GRSF1: variants seen among roughly 807,000 people sequenced by gnomAD.
GRSF1 encodes the protein G-rich RNA sequence binding factor 1.
Under a neutral mutation model 51.1 loss-of-function variants are expected in GRSF1, and 50 were observed. The observed-to-expected ratio is 0.98, with a 90% CI of 0.78 to 1.24. GRSF1 has a LOEUF of 1.24. GRSF1 is among the 50% of genes most tolerant of loss of function. GRSF1 has a pLI of 0.00. For missense variants in GRSF1, 700 were observed against 639.7 expected (o/e 1.09, Z -1.02); for synonymous variants, 293 against 253.3 (o/e 1.16, Z -1.49).
intron 5 of GRSF1, among the ~76,000 whole-genome samples, chr4:70,830,622 C>T (rs1733924521): frequency 6.6e-6 from 1 of 151,834 alleles, no homozygotes. Flanking sequence ...AGTTCTAGAC[C>T]AGCCTGGCCA....
chr4:70,828,663 G>C (rs1250195197), intron 5 of GRSF1, among the ~76,000 whole-genome samples: 3 of 152,008 alleles, frequency 2.0e-5, no homozygotes, highest in Admixed American at 1.3e-4. Flanking sequence ...CAACCTCCTA[G>C]GCTCAAGTGA....
chr4:70,831,001 A>G (rs1578302473), intron 5 of GRSF1, among the ~76,000 whole-genome samples: 1 of 152,174 alleles, frequency 6.6e-6, no homozygotes, highest in African/African-American at 2.4e-5. Context: ...GTTACATTTT[A>G]TATATAAATG....
At chr4:70,839,901 G>A, upstream of GRSF1, 3 of 1,369,336 alleles carry the variant, frequency 2.2e-6, no homozygotes, top group Non-Finnish European at 2.8e-6. Flanking sequence ...GGAATCCAGG[G>A]CCGGTTGGGG....
chr4:70,836,111 C>T (rs1208892686), intron 2 of GRSF1, 47 bp downstream of exon 2: 2 of 1,139,382 alleles, frequency 1.8e-6, no homozygotes, highest in Non-Finnish European at 2.4e-6. Flanking sequence ...TTGTGAGAAA[C>T]AATATAAGGA....
chr4:70,836,163 A>G lies in GRSF1; in HGVS notation c.509T>C (p.Phe170Ser). ...AAAACATACATAAAATATACCTGAA[A>G]AAAAGTTAAGCACATCTTCCATAGT... ...SCTMEDVLNF[F>S]SDCRIRNGEN... Residue 170 changes from phenylalanine (F) to serine (S), a missense_variant, in exon 2 of 10, where the codon TTT (phenylalanine) becomes TCT (serine). Physicochemically the swap from Phe to Ser is radical, Grantham distance 155 (BLOSUM62 -2). Coordinates refer to ENST00000254799, the MANE Select transcript of GRSF1 (RefSeq NM_002092.4). 2 of 1,525,112 alleles carry G rather than the reference A, an allele frequency of 1.3e-6. No homozygotes were observed. Among genetic ancestry groups the G allele is most frequent in the Admixed American group, 2.4e-5 (1 of 42,066 alleles). The allele number at this position is 1,525,112 out of a possible 1,614,324, so 94.5% of individuals were successfully genotyped here. A position where few individuals can be genotyped will look rare whatever the true frequency, so the allele number is the denominator to read the frequency against.
chr4:70,825,443 A>G lies in GRSF1; in HGVS notation c.1258-12T>C. 6.3e-7 allele frequency: 1 copy of G among 1,599,480 alleles called. No homozygotes were observed. The highest frequency in any genetic ancestry group is 8.5e-7 in the Non-Finnish European group (1 of 1,172,662). On this transcript the variant is annotated splice_polypyrimidine_tract_variant and intron_variant, in intron 7 of 9. Transcript: ENST00000254799. ...AGTGGAGCAAAAAACTAAACGACAAACAAAGGCAGTCAAGAGGAACATGAT... is the reference window on the plus strand; with the variant it reads ...AGTGGAGCAAAAAACTAAACGACAAGCAAAGGCAGTCAAGAGGAACATGAT...
At chr4:70,829,721 C>A (rs1733881959) in intron 5 of GRSF1, among the ~76,000 whole-genome samples, 1 of 152,134 alleles carries the variant, frequency 6.6e-6, no homozygotes, top group African/African-American at 2.4e-5. Flanking sequence ...GGCAGGACTG[C>A]TTGAGCCCAG....
intron 5 of GRSF1, among the ~76,000 whole-genome samples, chr4:70,830,577 T>G (rs1436785001): frequency 6.6e-5 from 10 of 151,996 alleles, no homozygotes; most frequent in African/African-American, 2.2e-4. Flanking sequence ...CCAGCACTTT[T>G]GGAGGCCGAG....
chr4:70,818,742 C>A lies in GRSF1; in HGVS notation c.*2145G>T, dbSNP rs1351501917. On this transcript the variant is annotated 3_prime_UTR_variant, in exon 10 of 10. Transcript: ENST00000254799. The stretch of plus-strand genomic sequence containing the variant: ...AGGATATGAGCACCCTGACCATATG[C>A]CCCACTCCCACTATTCTTCCTGATG... 1 of 152,136 alleles carries A rather than the reference C, an allele frequency of 6.6e-6. No homozygotes were observed. The highest frequency in any genetic ancestry group is 2.4e-5 in the African/African-American group (1 of 41,432). The allele number at this position is 152,136 out of a possible 1,614,324, so 9.4% of individuals were successfully genotyped here.
intron 5 of GRSF1, among the ~76,000 whole-genome samples, chr4:70,829,496 A>G (rs1733874296): frequency 6.6e-6 from 1 of 152,102 alleles, no homozygotes; most frequent in Non-Finnish European, 1.5e-5. Flanking sequence ...CTCTACAAAA[A>G]TACAAAAATT....
rs538673376 is a variant in GRSF1, at chr4:70,819,773, G to C, written c.*1114C>G. 1 of 152,540 alleles carries C rather than the reference G, an allele frequency of 6.6e-6. No individual in the cohort carries two copies. The highest frequency in any genetic ancestry group is 1.5e-5 in the Non-Finnish European group (1 of 68,022). 9.4% of individuals were successfully genotyped at this position (152,540 alleles called of 1,614,324 possible). Reference sequence around the variant, plus strand: ...ACAGGATTTTGATTCTCCTACACAGGTGCACATAAAGTTAGTTTATTAATG... The same window carrying C: ...ACAGGATTTTGATTCTCCTACACAGCTGCACATAAAGTTAGTTTATTAATG... On this transcript the variant is annotated 3_prime_UTR_variant, in exon 10 of 10. Transcript: ENST00000254799.
At chr4:70,831,859 G>C (rs1207968988) in intron 4 of GRSF1, among the ~76,000 whole-genome samples, 185 bp from the exon 5 acceptor site, 1 of 149,216 alleles carries the variant, frequency 6.7e-6, no homozygotes, top group Non-Finnish European at 1.5e-5. Context: ...TGTATTTCCA[G>C]AATAGGTAAG....
chr4:70,831,065 A>T (rs1454160632), intron 5 of GRSF1, among the ~76,000 whole-genome samples: 1 of 152,106 alleles, frequency 6.6e-6, no homozygotes, highest in Non-Finnish European at 1.5e-5. Flanking sequence ...CTGCCCCACA[A>T]GGAGCAGTCA....
intron 1 of GRSF1, chr4:70,839,041 G>C (rs549883645): frequency 2.1e-6 from 2 of 953,124 alleles, no homozygotes; most frequent in Admixed American, 6.7e-5. Context: ...AGGCGCCGAG[G>C]GCCGCCCAGG....
At chr4:70,837,276 T>C (rs949946285) in intron 1 of GRSF1, among the ~76,000 whole-genome samples, 2 of 152,120 alleles carry the variant, frequency 1.3e-5, no homozygotes, top group Non-Finnish European at 2.9e-5. Flanking sequence ...AGACTTGCAC[T>C]CTACTGGGCC....
At chr4:70,831,779 CAAA>C in intron 4 of GRSF1, 105 bp from the exon 5 acceptor site, 1 of 1,011,066 alleles carries the variant, frequency 9.9e-7, no homozygotes, top group South Asian at 1.7e-5. Flanking sequence ...TTGCCAGTCC[CAAA>C]ACTGAATACA....
intron 1 of GRSF1, chr4:70,839,260 A>G: frequency 6.8e-7 from 1 of 1,477,620 alleles, no homozygotes; most frequent in Non-Finnish European, 9.0e-7. Flanking sequence ...CGAGGCGAGA[A>G]CAAAACAAGC....
intron 4 of GRSF1, 32 bp downstream of exon 4, chr4:70,832,275 G>A (rs767738470): frequency 1.3e-6 from 2 of 1,590,766 alleles, no homozygotes; most frequent in Non-Finnish European, 8.6e-7. Context: ...AAAAAGATAT[G>A]AGCTCCCAAG....
intron 8 of GRSF1, 142 bp from the exon 9 acceptor site, chr4:70,824,510 G>A (rs1733655110): frequency 1.4e-5 from 8 of 555,118 alleles, no homozygotes; most frequent in Non-Finnish European, 2.3e-5. Flanking sequence ...GGCCAGACAC[G>A]GTGGCTCACG....
Sources: gnomAD v4.1 joint callset for allele counts (sites outside exome capture counted in the v4.1 genomes callset) on GRCh38, gnomAD v4.1.1 for gene constraint, MANE v1.5 for transcripts, NCBI Gene and HGNC (gene_info 2026-07-23, HGNC 2026-07-21) for gene names.